The following KCNQ5 variants were observed in gnomAD, a reference collection of about 807,000 sequenced individuals.
KCNQ5 encodes the protein potassium voltage-gated channel subfamily KQT member 5.
In KCNQ5, 30 loss-of-function variants were observed where a neutral mutation model predicts 98.2. That is an observed-to-expected ratio of 0.31 (90% CI 0.23 to 0.41). The LOEUF (loss-of-function observed/expected upper bound fraction) is 0.41, where lower values mean the gene tolerates loss of function less well. Among genes scored for constraint, KCNQ5 ranks in the 10% least tolerant of loss-of-function variants. KCNQ5 has a pLI of 1.00. For synonymous variants in KCNQ5, 458 were observed against 449.4 expected (o/e 1.02, Z -0.24); for missense variants, 835 against 1,182.5 (o/e 0.71, Z 4.31).
At chr6:73,016,530 C>T (rs781307406) in intron 2 of KCNQ5, among the ~76,000 whole-genome samples, 36 of 152,110 alleles carry the variant, frequency 2.4e-4, no homozygotes, top group African/African-American at 8.4e-4. Flanking sequence ...TTGACATGTT[C>T]ATGGAATCAT....
chr6:73,106,084 C>T (rs1035625918), intron 6 of KCNQ5, among the ~76,000 whole-genome samples: 2 of 152,100 alleles, frequency 1.3e-5, no homozygotes, highest in East Asian at 1.9e-4. Flanking sequence ...GGAGGGTTAA[C>T]GCGGTGGGAG....
chr6:73,173,883 T>A (rs898001538), intron 11 of KCNQ5, among the ~76,000 whole-genome samples: 65 of 152,192 alleles, frequency 4.3e-4, no homozygotes, highest in Middle Eastern at 3.2e-3. Flanking sequence ...ATAACTTTTT[T>A]AAATATAACA....
intron 1 of KCNQ5, among the ~76,000 whole-genome samples, chr6:72,710,960 A>C (rs1769336856): frequency 6.6e-6 from 1 of 152,186 alleles, no homozygotes; most frequent in Non-Finnish European, 1.5e-5. Context: ...CAAGATCAAA[A>C]TTAAGATCCA....
intron 1 of KCNQ5, among the ~76,000 whole-genome samples, chr6:72,822,262 T>C (rs1775795932): frequency 6.6e-6 from 1 of 152,184 alleles, no homozygotes. Flanking sequence ...AGAGGAAATG[T>C]TATCATTTCT....
intron 5 of KCNQ5, 116 bp downstream of exon 5, chr6:73,078,003 T>A: frequency 1.2e-6 from 1 of 845,032 alleles, no homozygotes; most frequent in Non-Finnish European, 1.7e-6. Context: ...GAAAGAGAGT[T>A]ATATGGAAAA....
At chr6:73,135,919 T>A (rs537983120) in intron 10 of KCNQ5, 1 of 152,186 alleles carries the variant, frequency 6.6e-6, no homozygotes, top group African/African-American at 2.4e-5. Flanking sequence ...CCTCTACTTA[T>A]AAGGATACCA....
rs1250072527 is a variant in KCNQ5 at position 73,153,818 on chromosome 6, T to TAA, written c.1469-15927_1469-15926dup. Among the ~76,000 whole-genome samples, 5 of 151,036 alleles carry TAA rather than the reference T, an allele frequency of 3.3e-5. No individual in the cohort carries two copies. In the East Asian group the frequency reaches 9.7e-4, roughly 29 times the overall value. On this transcript the variant is annotated intron_variant, in intron 10 of 13. Coordinates refer to ENST00000370398, the MANE Select transcript of KCNQ5 (RefSeq NM_019842.4). ...ATGTCAAGAATGTCATAATACTAAA[T>TAA]AAGTAAAATAAAAAATAATAAAAAT...
At chr6:73,031,056 T>C (rs1771120570) in intron 2 of KCNQ5, among the ~76,000 whole-genome samples, 2 of 152,222 alleles carry the variant, frequency 1.3e-5, no homozygotes, top group South Asian at 4.1e-4. Flanking sequence ...CTAAGACATT[T>C]GGAGATTCTG....
At chr6:73,089,516 A>C (rs1404697245) in intron 5 of KCNQ5, among the ~76,000 whole-genome samples, 1 of 152,172 alleles carries the variant, frequency 6.6e-6, no homozygotes, top group Non-Finnish European at 1.5e-5. Flanking sequence ...TCACCCAAGC[A>C]GTATACACTG....
chr6:72,735,706 A>C (rs779941777), intron 1 of KCNQ5, among the ~76,000 whole-genome samples: 3 of 152,094 alleles, frequency 2.0e-5, no homozygotes, highest in Non-Finnish European at 4.4e-5. Flanking sequence ...ACTAGTAGTT[A>C]GAAGGGTCTT....
chr6:73,048,106 C>A (rs1772052432), intron 3 of KCNQ5, among the ~76,000 whole-genome samples: 1 of 152,128 alleles, frequency 6.6e-6, no homozygotes, highest in South Asian at 2.1e-4. Flanking sequence ...CGAAGAAAAA[C>A]AATACACAAA....
chr6:73,106,173 C>T (rs923592982), intron 6 of KCNQ5, among the ~76,000 whole-genome samples: 2 of 152,126 alleles, frequency 1.3e-5, no homozygotes, highest in African/African-American at 4.8e-5. Flanking sequence ...CCCAGAGCAC[C>T]TCTCCAAAGC....
chr6:72,702,483 A>G (rs1445718026), intron 1 of KCNQ5, among the ~76,000 whole-genome samples: 2 of 152,218 alleles, frequency 1.3e-5, no homozygotes, highest in African/African-American at 4.8e-5. Context: ...GTGATAAAAA[A>G]GTATTAAGTG....
chr6:73,022,007 G>A (rs1770627986), intron 2 of KCNQ5, among the ~76,000 whole-genome samples: 1 of 151,810 alleles, frequency 6.6e-6, no homozygotes, highest in Non-Finnish European at 1.5e-5. Context: ...TAATATCAAA[G>A]CAGTATAATC....
chr6:72,786,050 G>T (rs982398740), intron 1 of KCNQ5, among the ~76,000 whole-genome samples: 3 of 152,078 alleles, frequency 2.0e-5, no homozygotes, highest in African/African-American at 7.2e-5. Flanking sequence ...TTTAATAATA[G>T]ATTTGATTTA....
chr6:73,151,287 C>G (rs1371531001), intron 10 of KCNQ5, among the ~76,000 whole-genome samples: 1 of 152,114 alleles, frequency 6.6e-6, no homozygotes, highest in African/African-American at 2.4e-5. Flanking sequence ...TTTAGTTATT[C>G]CTCTTGATAT....
At chr6:73,060,076 A>G (rs1772713469) in intron 3 of KCNQ5, among the ~76,000 whole-genome samples, 1 of 152,050 alleles carries the variant, frequency 6.6e-6, no homozygotes, top group South Asian at 2.1e-4. Flanking sequence ...GGTGCTTTAT[A>G]GAGAGTTGGG....
chr6:73,051,747 A>C (rs1338199193), intron 3 of KCNQ5, among the ~76,000 whole-genome samples: 1 of 150,656 alleles, frequency 6.6e-6, no homozygotes. Context: ...AAAACTATCC[A>C]AAGGACAGCA....
chr6:72,870,814 T>C (rs1778174207), intron 1 of KCNQ5, among the ~76,000 whole-genome samples: 1 of 152,208 alleles, frequency 6.6e-6, no homozygotes, highest in African/African-American at 2.4e-5. Context: ...AATGCAGATT[T>C]CTTATGTATG....
Sources: allele counts gnomAD v4.1 joint callset (sites outside exome capture counted in the v4.1 genomes callset), GRCh38; gene constraint gnomAD v4.1.1; transcripts MANE v1.5; gene names NCBI Gene and HGNC (gene_info 2026-07-23, HGNC 2026-07-21).